Variants in ZNF536 observed in about 807,000 individuals in gnomAD.
ZNF536 encodes the protein zinc finger protein 536.
ZNF536 carries 13 observed loss-of-function variants against 84.5 expected under a neutral mutation model. That is an observed-to-expected ratio of 0.15 (90% CI 0.10 to 0.24). The LOEUF is 0.24. Ranked by LOEUF, ZNF536 falls within the 10% of genes least tolerant of loss-of-function variation. The pLI is 1.00. For missense variants in ZNF536, 1,536 were observed against 1,747.5 expected (o/e 0.88, Z 2.16); for synonymous variants, 811 against 742.5 (o/e 1.09, Z -1.50).
chr19:30,369,445 C>T (rs1403013761), upstream of ZNF536, among the ~76,000 whole-genome samples: 1 of 152,138 alleles, frequency 6.6e-6, no homozygotes. Flanking sequence ...AACATGAATG[C>T]ATTAAATGTG....
intron 1 of ZNF536, among the ~76,000 whole-genome samples, chr19:30,564,472 C>T (rs891581400): frequency 6.6e-6 from 1 of 151,958 alleles, no homozygotes; most frequent in African/African-American, 2.4e-5. Flanking sequence ...GAACCTTTTC[C>T]GAAGCCTCCT....
At position 30,413,954 on chromosome 19, in the gene ZNF536, G is replaced by A. The variant is rs773293224; in HGVS notation, c.-2-29607G>A. ...TAAAAATACAAAAAATTAGCTAGGC[G>A]TGGCGGCGGGTGCCTATAATCCCAG... is the stretch of plus-strand genomic sequence containing the variant. On this transcript the variant is annotated intron_variant, in intron 1 of 4. Transcript: ENST00000355537. Among the ~76,000 whole-genome samples, 77 of 152,000 alleles carry A rather than the reference G, an allele frequency of 5.1e-4. 3 individuals carry two copies. Among genetic ancestry groups the A allele is most frequent in the South Asian group, 2.1e-3 (10 of 4,796 alleles).
intron 1 of ZNF536, among the ~76,000 whole-genome samples, chr19:30,703,225 CAG>C (rs1296146797): frequency 4.6e-5 from 7 of 152,184 alleles, no homozygotes; most frequent in Non-Finnish European, 1.0e-4. Context: ...ATTTGGAGAA[CAG>C]AGAGAAGTCT....
chr19:30,313,429 C>A (rs2046572249), intron 2 of ZNF536, among the ~76,000 whole-genome samples: 1 of 152,170 alleles, frequency 6.6e-6, no homozygotes, highest in African/African-American at 2.4e-5. Context: ...TCAGTCAGAG[C>A]AGGTTGATCT....
chr19:30,271,536 G>C (rs1323056380), intron 1 of ZNF536, among the ~76,000 whole-genome samples: 1 of 151,982 alleles, frequency 6.6e-6, no homozygotes, highest in East Asian at 1.9e-4. Context: ...GCTGTATTTT[G>C]ATCACACCCT....
At chr19:30,708,743 A>G (rs779553015) in intron 1 of ZNF536, among the ~76,000 whole-genome samples, 1 of 152,218 alleles carries the variant, frequency 6.6e-6, no homozygotes, top group African/African-American at 2.4e-5. Flanking sequence ...AACAAGAAGC[A>G]AGAATTTAGC....
intron 1 of ZNF536, among the ~76,000 whole-genome samples, chr19:30,705,309 A>ATGTGTGTGTGTGTGTGTGTGTG (rs56199909): frequency 2.7e-5 from 4 of 149,110 alleles, no homozygotes; most frequent in African/African-American, 9.9e-5. Context: ...ACTCAGAAAG[A>ATGTGTGTGTGTGTGTGTGTGTG]TGTGTGTGTG....
At chr19:30,546,157 C>A (rs75106079) in intron 3 of ZNF536, among the ~76,000 whole-genome samples, 5 of 152,214 alleles carry the variant, frequency 3.3e-5, no homozygotes, top group African/African-American at 1.2e-4. Flanking sequence ...AGTGCCCCAT[C>A]CCAGCCTGGC....
downstream of ZNF536, among the ~76,000 whole-genome samples, chr19:30,562,153 C>T (rs548339830): frequency 6.6e-6 from 1 of 152,280 alleles, no homozygotes; most frequent in South Asian, 2.1e-4. Flanking sequence ...AGGGAGCATT[C>T]CAGATGTCTG....
chr19:30,498,312 A>G (rs2054804916), intron 2 of ZNF536, among the ~76,000 whole-genome samples: 1 of 152,202 alleles, frequency 6.6e-6, no homozygotes, highest in African/African-American at 2.4e-5. Flanking sequence ...GCTGGAAGCC[A>G]TTATCCTCAG....
chr19:30,357,047 C>T (rs1014363894), intron 3 of ZNF536, among the ~76,000 whole-genome samples: 1 of 152,218 alleles, frequency 6.6e-6, no homozygotes, highest in African/African-American at 2.4e-5. Context: ...CCTCAGAGGA[C>T]TGATAATATG....
intron 1 of ZNF536, among the ~76,000 whole-genome samples, chr19:30,594,289 C>T (rs549010758): frequency 9.2e-5 from 14 of 152,328 alleles, no homozygotes; most frequent in Middle Eastern, 3.4e-3. Context: ...CCTTGTGCAC[C>T]TCTGTGTACT....
At chr19:30,400,858 T>C (rs925739247) in intron 1 of ZNF536, among the ~76,000 whole-genome samples, 5 of 152,232 alleles carry the variant, frequency 3.3e-5, no homozygotes, top group Admixed American at 3.3e-4. Context: ...AAAAATTTAA[T>C]TTTGACAAAA....
intron 1 of ZNF536, among the ~76,000 whole-genome samples, chr19:30,423,840 G>A (rs895655713): frequency 2.0e-5 from 3 of 151,798 alleles, no homozygotes; most frequent in Non-Finnish European, 2.9e-5. Context: ...GGACGTCAGG[G>A]AGGTGGGGGC....
Position 30,301,695 on chromosome 19 carries a change from G to C in ZNF536, c.-120+17554G>C, listed in dbSNP as rs115375494. 3.1e-3 allele frequency among the ~76,000 whole-genome samples: 467 copies of C among 152,318 alleles called. 1 individual carries two copies. The highest frequency in any genetic ancestry group is 0.011 in the African/African-American group (454 of 41,568). On this transcript the variant is annotated intron_variant, in intron 2 of 5. Transcript: ENST00000585628. Reference sequence around the variant, plus strand: ...AATTGGTAACTATATTTAGGAGGTAGAGAAATATGTGAGCTATTCGTTTCG... The same window carrying C: ...AATTGGTAACTATATTTAGGAGGTACAGAAATATGTGAGCTATTCGTTTCG...
chr19:30,395,186 A>G (rs2049764291), intron 1 of ZNF536, among the ~76,000 whole-genome samples: 1 of 152,236 alleles, frequency 6.6e-6, no homozygotes, highest in Non-Finnish European at 1.5e-5. Context: ...AAGATTAATG[A>G]AAAGTGATAA....
At chr19:30,590,336 G>C (rs761789689) in intron 1 of ZNF536, among the ~76,000 whole-genome samples, 2 of 152,174 alleles carry the variant, frequency 1.3e-5, no homozygotes, top group Admixed American at 6.5e-5. Context: ...CTGCCTTATG[G>C]TCAAGCTTGT....
At chr19:30,519,841 C>T (rs1209715885) in intron 2 of ZNF536, among the ~76,000 whole-genome samples, 1 of 152,210 alleles carries the variant, frequency 6.6e-6, no homozygotes, top group Non-Finnish European at 1.5e-5. Flanking sequence ...GAAAAACAGA[C>T]CCCATCCCAG....
chr19:30,623,143 A>G (rs1465619590), intron 1 of ZNF536, among the ~76,000 whole-genome samples: 1 of 147,848 alleles, frequency 6.8e-6, no homozygotes, highest in African/African-American at 2.5e-5. Context: ...CTCCTACCCC[A>G]TATCCATTCC....
Sources: allele counts gnomAD v4.1 joint callset (sites outside exome capture counted in the v4.1 genomes callset), GRCh38; gene constraint gnomAD v4.1.1; transcripts MANE v1.5; gene names NCBI Gene and HGNC (gene_info 2026-07-23, HGNC 2026-07-21).